AGFG1: variants seen among roughly 807,000 people sequenced by gnomAD.
AGFG1 encodes the protein ArfGAP with FG repeats 1, also known as arf-GAP domain and FG repeat-containing protein 1.
Under a neutral mutation model 60.6 loss-of-function variants are expected in AGFG1, and 10 were observed. The ratio of observed to expected loss-of-function variants is 0.16; its 90% confidence interval spans 0.10 to 0.28. The LOEUF (loss-of-function observed/expected upper bound fraction) is 0.28. Ranked by LOEUF, AGFG1 falls within the 10% of genes least tolerant of loss-of-function variation. The probability of loss-of-function intolerance (pLI) is 1.00; values close to 1 mark genes in which losing one functional copy is unlikely to be tolerated. For synonymous variants in AGFG1, 247 were observed against 242.9 expected (o/e 1.02, Z -0.16); for missense variants, 537 against 676.5 (o/e 0.79, Z 2.29).
chr2:227,524,985 C>A, intron 5 of AGFG1, 70 bp downstream of exon 5: 2 of 1,560,080 alleles, frequency 1.3e-6, no homozygotes, highest in Non-Finnish European at 1.8e-6. Flanking sequence ...AATTCTTTAT[C>A]ACACTTTGAG....
chr2:227,514,993 G>T (rs1450610508), intron 2 of AGFG1, among the ~76,000 whole-genome samples: 3 of 152,046 alleles, frequency 2.0e-5, no homozygotes, highest in African/African-American at 4.8e-5. Context: ...TATGATCAAG[G>T]GTGACTGCAA....
chr2:227,505,825 G>A (rs1691296558), intron 2 of AGFG1, among the ~76,000 whole-genome samples: 1 of 151,874 alleles, frequency 6.6e-6, no homozygotes, highest in Admixed American at 6.6e-5. Flanking sequence ...TGCAACCTCC[G>A]CCTCCCAGGT....
At chr2:227,547,135 A>G (rs942115376) in intron 10 of AGFG1, among the ~76,000 whole-genome samples, 1 of 152,192 alleles carries the variant, frequency 6.6e-6, no homozygotes, top group African/African-American at 2.4e-5. Flanking sequence ...AACATACACA[A>G]ATTAACATTA....
intron 1 of AGFG1, among the ~76,000 whole-genome samples, chr2:227,478,287 T>A (rs1446895195): frequency 6.6e-6 from 1 of 151,002 alleles, no homozygotes; most frequent in African/African-American, 2.4e-5. Flanking sequence ...CATGTATCTA[T>A]TATATATACA....
At chr2:227,550,417 A>C (rs1692784502) in intron 10 of AGFG1, among the ~76,000 whole-genome samples, 1 of 152,044 alleles carries the variant, frequency 6.6e-6, no homozygotes, top group Admixed American at 6.6e-5. Flanking sequence ...CGCCTTTTTG[A>C]TATACCAAAC....
chr2:227,531,596 ATTT>A (rs35965525), intron 6 of AGFG1, among the ~76,000 whole-genome samples: 7 of 130,558 alleles, frequency 5.4e-5, no homozygotes, highest in Admixed American at 7.9e-5. Context: ...TCCCAGCTAA[ATTT>A]TTTTTTTTTT....
At chr2:227,525,060 C>A in intron 5 of AGFG1, 145 bp downstream of exon 5, 1 of 919,716 alleles carries the variant, frequency 1.1e-6, no homozygotes, top group Non-Finnish European at 1.6e-6. Context: ...TAATATGTAA[C>A]CATATAATTG....
rs1482444888 is a variant in AGFG1, at chr2:227,520,057, A to G, written c.371A>G (p.Lys124Arg). ...TTTCTACAAGAAAAGTATGAAAAGA[A>G]AAGATGGTGAGTGAAGAGTTTGTAT... is the stretch of plus-strand genomic sequence containing the variant. ...KEFLQEKYEK[K>R]RWYVPPEQAK... Residue 124 changes from lysine (K) to arginine (R), a missense_variant, in exon 3 of 13, where the codon AAA (lysine) becomes AGA (arginine). Physicochemically the swap from Lys to Arg is conservative, Grantham distance 26. Coordinates refer to ENST00000310078, the MANE Select transcript of AGFG1 (RefSeq NM_004504.5). 1 of 1,566,582 alleles carries G rather than the reference A, an allele frequency of 6.4e-7. No homozygotes were observed. The highest frequency in any genetic ancestry group is 1.4e-5 in the African/African-American group (1 of 71,630).
chr2:227,545,345 G>A (rs544672308), intron 10 of AGFG1, among the ~76,000 whole-genome samples: 37 of 152,204 alleles, frequency 2.4e-4, no homozygotes, highest in African/African-American at 8.7e-4. Context: ...TGTTTATTTT[G>A]GTTTGCCATT....
intron 2 of AGFG1, among the ~76,000 whole-genome samples, chr2:227,504,188 A>ATTT (rs111498312): frequency 1.4e-5 from 2 of 138,582 alleles, no homozygotes; most frequent in African/African-American, 2.7e-5. Context: ...CTTGGTGTAA[A>ATTT]TTTTTTTTTT....
chr2:227,523,404 T>A (rs557468037), intron 3 of AGFG1, among the ~76,000 whole-genome samples: 50 of 152,320 alleles, frequency 3.3e-4, no homozygotes, highest in African/African-American at 1.1e-3. Context: ...GATCTTAAGA[T>A]AATTTTAAAA....
At chr2:227,497,773 C>T (rs1691028776) in intron 2 of AGFG1, among the ~76,000 whole-genome samples, 1 of 104,318 alleles carries the variant, frequency 9.6e-6, no homozygotes. Flanking sequence ...GGGACGGAGT[C>T]TTACTCTGTC....
chr2:227,485,501 A>G (rs1025807996), intron 1 of AGFG1, among the ~76,000 whole-genome samples: 2 of 150,270 alleles, frequency 1.3e-5, no homozygotes, highest in African/African-American at 4.9e-5. Context: ...CTCCCAAAGT[A>G]CTGGGATTAC....
intron 8 of AGFG1, among the ~76,000 whole-genome samples, chr2:227,535,620 T>TA (rs1441211748): frequency 2.6e-5 from 4 of 152,210 alleles, no homozygotes; most frequent in Non-Finnish European, 4.4e-5. Context: ...GTTGCGGAAA[T>TA]AGTCTCAGAA....
chr2:227,558,705 GC>G lies in AGFG1; in HGVS notation c.*4211del, dbSNP rs1355661974. On this transcript the variant is annotated 3_prime_UTR_variant, in exon 13 of 13. Transcript: ENST00000310078. ...TAACCACGATGTAATCCAGTGTTGT[GC>G]TGCTGAATGTTTAACAACCATCTTT... 1.3e-5 allele frequency: 2 copies of G among 152,100 alleles called. No homozygotes were observed. The highest frequency in any genetic ancestry group is 4.8e-5 in the African/African-American group (2 of 41,414). The allele number at this position is 152,100 out of a possible 1,614,324, so 9.4% of individuals were successfully genotyped here.
At chr2:227,478,000 A>G (rs992960378) in intron 1 of AGFG1, among the ~76,000 whole-genome samples, 1 of 152,064 alleles carries the variant, frequency 6.6e-6, no homozygotes, top group African/African-American at 2.4e-5. Flanking sequence ...TAGCTCCAAA[A>G]TGTGTGTTCT....
Position 227,554,650 on chromosome 2 carries a change from G to A in AGFG1, c.*155G>A. On this transcript the variant is annotated 3_prime_UTR_variant, in exon 13 of 13. Coordinates refer to ENST00000310078, the MANE Select transcript of AGFG1 (RefSeq NM_004504.5). ...GTGTATTAAACACCAGGTAATATGTGCAAAACCGAGGGCTCCAGTAACACC... is the reference window on the plus strand; with the variant it reads ...GTGTATTAAACACCAGGTAATATGTACAAAACCGAGGGCTCCAGTAACACC... 1.7e-6 allele frequency: 1 copy of A among 581,936 alleles called. No homozygotes were observed. The allele number at this position is 581,936 out of a possible 1,614,324, so 36.0% of individuals were successfully genotyped here. A position where few individuals can be genotyped will look rare whatever the true frequency, so the allele number is the denominator to read the frequency against.
chr2:227,542,997 G>A (rs1043261507), intron 10 of AGFG1, among the ~76,000 whole-genome samples: 1 of 152,162 alleles, frequency 6.6e-6, no homozygotes, highest in African/African-American at 2.4e-5. Flanking sequence ...GGGATCAGTG[G>A]TGATACCCCC....
chr2:227,506,061 TA>T (rs1454441805), intron 2 of AGFG1, among the ~76,000 whole-genome samples: 1 of 152,194 alleles, frequency 6.6e-6, no homozygotes, highest in Admixed American at 6.5e-5. Context: ...TTTTTGAATA[TA>T]AGTATACTAG....
Sources: allele counts gnomAD v4.1 joint callset (sites outside exome capture counted in the v4.1 genomes callset), GRCh38; gene constraint gnomAD v4.1.1; transcripts MANE v1.5; gene names NCBI Gene and HGNC (gene_info 2026-07-23, HGNC 2026-07-21).